SERINC2: variants seen among roughly 807,000 people sequenced by gnomAD.
The protein encoded by SERINC2 is serine incorporator 2.
In SERINC2, 56 loss-of-function variants were observed where a neutral mutation model predicts 54.2. The observed-to-expected ratio is 1.03, with a 90% confidence interval of 0.83 to 1.29. The LOEUF (loss-of-function observed/expected upper bound fraction) is 1.29. Ranked by LOEUF, SERINC2 falls within the 50% of genes most tolerant of loss-of-function variation. The pLI, the probability that SERINC2 is intolerant of heterozygous loss-of-function variation, is 0.00. For synonymous variants in SERINC2, 272 were observed against 253.1 expected (o/e 1.07, Z -0.71); for missense variants, 614 against 607.4 (o/e 1.01, Z -0.12).
intron 1 of SERINC2, among the ~76,000 whole-genome samples, chr1:31,415,103 C>T (rs1420777906): frequency 5.3e-5 from 8 of 152,276 alleles, no homozygotes; most frequent in Middle Eastern, 3.4e-3. Flanking sequence ...GACTGCCACC[C>T]GCCCGGAGAA....
chr1:31,423,917 G>A (rs1553133120), intron 2 of SERINC2, 63 bp downstream of exon 2: 9 of 1,511,390 alleles, frequency 6.0e-6, no homozygotes, highest in Non-Finnish European at 8.2e-6. Flanking sequence ...CCAGGATAGA[G>A]GGCCCAGGCT....
intron 2 of SERINC2, 73 bp downstream of exon 2, chr1:31,423,927 T>C: frequency 7.0e-7 from 1 of 1,436,486 alleles, no homozygotes; most frequent in Non-Finnish European, 9.6e-7. Context: ...GGGCCCAGGC[T>C]TGGGGTCACA....
chr1:31,419,373 A>G (rs782466355), intron 1 of SERINC2, among the ~76,000 whole-genome samples: 91 of 152,290 alleles, frequency 6.0e-4, no homozygotes, highest in Admixed American at 3.8e-3. Context: ...TTATATAAAA[A>G]TCTTTATTTT....
upstream of SERINC2, among the ~76,000 whole-genome samples, chr1:31,411,824 C>T (rs1640653366): frequency 6.6e-6 from 1 of 151,722 alleles, no homozygotes; most frequent in Non-Finnish European, 1.5e-5. Context: ...ATAAGGAGAC[C>T]TCATCTCTAC....
rs928432048 is a variant in SERINC2, at chr1:31,413,950, C to G, written c.39+646C>G. The G allele has an allele frequency of 4.8e-5, 74 of 1,526,824 alleles. No individual in the cohort carries two copies. The African/African-American group carries it at 9.7e-4, about 20-fold the overall frequency. The allele number at this position is 1,526,824 out of a possible 1,614,324, so 94.6% of individuals were successfully genotyped here. On this transcript the variant is annotated intron_variant, in intron 1 of 9. Coordinates refer to ENST00000373709, the MANE Select transcript of SERINC2 (RefSeq NM_178865.5). This position sits in a 1 kb window ranked among gnomAD's most constrained non-coding sequence, Gnocchi z 5.0. ...CCTTTACCGTCCTCAGTCTGGCTCG[C>G]GCTGCCTCTCAGGCACTTCCCCAGC...
chr1:31,426,045 A>T, intron 5 of SERINC2, 132 bp downstream of exon 5: 2 of 954,770 alleles, frequency 2.1e-6, no homozygotes, highest in Non-Finnish European at 3.1e-6. Flanking sequence ...TTAGGTCAAG[A>T]TTCCAATTGT....
At chr1:31,432,249 C>A (rs1256605202) in intron 8 of SERINC2, among the ~76,000 whole-genome samples, 4 of 138,414 alleles carry the variant, frequency 2.9e-5, no homozygotes, top group African/African-American at 1.0e-4. Context: ...TGACTCACAG[C>A]AAGGGGTGAT....
chr1:31,414,593 C>A (rs1170805283), intron 1 of SERINC2: 105 of 984,872 alleles, frequency 1.1e-4, no homozygotes, highest in Non-Finnish European at 1.2e-4. Context: ...ATTAGGCCTC[C>A]ATTTTTCGTG....
intron 5 of SERINC2, 54 bp from the exon 6 acceptor site, chr1:31,426,600 C>T: frequency 6.8e-7 from 1 of 1,479,414 alleles, no homozygotes; most frequent in Non-Finnish European, 9.3e-7. Flanking sequence ...AGTAGGGATC[C>T]CTGTTCCTCC....
intron 8 of SERINC2, among the ~76,000 whole-genome samples, chr1:31,431,514 T>A (rs1641198655): frequency 6.6e-6 from 1 of 152,114 alleles, no homozygotes; most frequent in Non-Finnish European, 1.5e-5. Context: ...CTTGGAACTC[T>A]TTCCCTGCCC....
rs782663419 is a variant in SERINC2, at chr1:31,432,948, C to T, written c.1014-19C>T. 3 of 1,588,078 alleles carry T rather than the reference C, an allele frequency of 1.9e-6. No individual in the cohort carries two copies. In the South Asian group the frequency reaches 3.4e-5, roughly 18 times the overall value. On this transcript the variant is annotated intron_variant, in intron 8 of 9. Transcript: ENST00000373709. ...ACGCCAGAGCTATCTATTTGCCCAC[C>T]TTCCTCCCTCCCCTGCAGTCTGCGC...
chr1:31,431,804 A>ATAGGGTGGATAGGGTGGATAGGGTGGT (rs1557499849), intron 8 of SERINC2, among the ~76,000 whole-genome samples: 4 of 122,412 alleles, frequency 3.3e-5, no homozygotes, highest in Non-Finnish European at 5.0e-5. Context: ...GATAGGGTGG[A>ATAGGGTGGATAGGGTGGATAGGGTGGT]CAGGGTGGAC....
chr1:31,409,867 G>A, upstream of SERINC2: 1 of 1,551,680 alleles, frequency 6.4e-7, no homozygotes. Flanking sequence ...GAGGGGATGG[G>A]GAGAGAATGG....
rs374829003 is a variant in SERINC2, at chr1:31,434,067, C to T, written c.1236C>T (p.Pro412=). The T allele has an allele frequency of 4.4e-5, 71 of 1,613,474 alleles. No individual in the cohort carries two copies. The Middle Eastern group carries it at 1.3e-3, about 30-fold the overall frequency. The change falls in exon 10 of 10, where the codon CCC becomes CCT. Residue 412 remains proline (P), a synonymous_variant. Transcript: ENST00000373709. ...VMMTLTNWYK[P]GETRKMISTW... is the part of the protein sequence containing the mutation. The stretch of plus-strand genomic sequence containing the variant: ...TGGGGAAGATGGTGTGTTCCAGGCC[C>T]GGTGAGACCCGGAAGATGATCAGCA...
At chr1:31,427,195 A>G (rs1641069208) in intron 6 of SERINC2, among the ~76,000 whole-genome samples, 1 of 152,210 alleles carries the variant, frequency 6.6e-6, no homozygotes, top group East Asian at 1.9e-4. Flanking sequence ...AATCAGTAGA[A>G]CATTAGGGGC....
chr1:31,431,028 G>C (rs1240206690), intron 8 of SERINC2, among the ~76,000 whole-genome samples: 1 of 152,084 alleles, frequency 6.6e-6, no homozygotes, highest in Non-Finnish European at 1.5e-5. Flanking sequence ...ATAAACATCT[G>C]TCTTCTTTGT....
chr1:31,418,478 C>T (rs1170589831), intron 1 of SERINC2, among the ~76,000 whole-genome samples: 3 of 152,104 alleles, frequency 2.0e-5, no homozygotes, highest in African/African-American at 7.2e-5. Flanking sequence ...CGGGTTCAAG[C>T]GAGTCTGCTG....
chr1:31,427,662 G>C (rs1000867736), intron 6 of SERINC2, among the ~76,000 whole-genome samples: 1 of 151,988 alleles, frequency 6.6e-6, no homozygotes, highest in African/African-American at 2.4e-5. Flanking sequence ...TAGTGGCCTC[G>C]GACATGTTAT....
At chr1:31,412,410 A>T (rs1429443085), upstream of SERINC2, among the ~76,000 whole-genome samples, 3 of 152,140 alleles carry the variant, frequency 2.0e-5, no homozygotes, top group Non-Finnish European at 4.4e-5. Context: ...GGGTGGCTGT[A>T]GGGAGTGTGT....
Sources: gnomAD v4.1 joint callset for allele counts (sites outside exome capture counted in the v4.1 genomes callset) on GRCh38, gnomAD v4.1.1 for gene constraint, Gnocchi (gnomAD v3.1) non-coding constraint, MANE v1.5 for transcripts, NCBI Gene and HGNC (gene_info 2026-07-23, HGNC 2026-07-21) for gene names.